The following ASCC1 variants were observed in gnomAD, a reference collection of about 807,000 sequenced individuals.
The protein encoded by ASCC1 is activating signal cointegrator 1 complex subunit 1.
ASCC1 carries 35 observed loss-of-function variants against 46.6 expected under a neutral mutation model. The observed-to-expected ratio is 0.75, with a 90% CI of 0.57 to 0.99. The LOEUF (loss-of-function observed/expected upper bound fraction) is 0.99, where lower values mean the gene tolerates loss of function less well. ASCC1 is among the 50% of genes least tolerant of loss of function. ASCC1 has a pLI of 0.00. For missense variants in ASCC1, 376 were observed against 428.7 expected, an observed-to-expected ratio of 0.88 and a Z score of 1.09; for synonymous variants, 143 against 146.6, an observed-to-expected ratio of 0.98 and a Z score of 0.18.
At chr10:72,213,572 C>A (rs12268049) in intron 1 of ASCC1, among the ~76,000 whole-genome samples, 2 of 149,748 alleles carry the variant, frequency 1.3e-5, no homozygotes, top group African/African-American at 2.5e-5. Context: ...TCACCCCCCC[C>A]CCAAAAATGA....
intron 2 of ASCC1, among the ~76,000 whole-genome samples, chr10:72,212,673 C>T (rs144020615): frequency 0.012 from 1,827 of 152,058 alleles, 42 homozygotes; most frequent in African/African-American, 0.042. Flanking sequence ...CATGGTGAAA[C>T]CCTGTCTCTA....
At chr10:72,164,831 A>C (rs920134930) in intron 5 of ASCC1, among the ~76,000 whole-genome samples, 2 of 152,200 alleles carry the variant, frequency 1.3e-5, no homozygotes, top group South Asian at 2.1e-4. Context: ...TGTGGGTATA[A>C]AGTGGTATTA....
At chr10:72,189,802 C>CAAAAAAAAAAAAAAAAAAA in intron 5 of ASCC1, 1 of 156,330 alleles carries the variant, frequency 6.4e-6, no homozygotes, top group Non-Finnish European at 1.2e-5. Context: ...AACTCCATCT[C>CAAAAAAAAAAAAAAAAAAA]AAAAAAAAAA....
intron 4 of ASCC1, among the ~76,000 whole-genome samples, chr10:72,201,513 C>G (rs115305597): frequency 6.6e-6 from 1 of 150,596 alleles, no homozygotes; most frequent in Admixed American, 6.6e-5. Context: ...AGCAAGACCC[C>G]ATCTCTACAA....
chr10:72,152,766 T>C, intron 7 of ASCC1, 103 bp downstream of exon 7: 3 of 1,376,250 alleles, frequency 2.2e-6, no homozygotes, highest in Non-Finnish European at 2.0e-6. Flanking sequence ...TAACATGTTC[T>C]TTACAATAAG....
intron 5 of ASCC1, chr10:72,189,932 T>C: frequency 1.4e-6 from 1 of 718,224 alleles, no homozygotes; most frequent in Non-Finnish European, 2.5e-6. Flanking sequence ...AGCCATCAGG[T>C]AAGCCAAGAC....
intron 7 of ASCC1, among the ~76,000 whole-genome samples, chr10:72,136,953 G>A (rs565915219): frequency 1.9e-4 from 28 of 151,116 alleles, no homozygotes; most frequent in Admixed American, 3.3e-4. Flanking sequence ...AACAAACTCC[G>A]GACACACCAT....
At chr10:72,126,585 C>A (rs1221535535) in intron 9 of ASCC1, among the ~76,000 whole-genome samples, 2 of 152,224 alleles carry the variant, frequency 1.3e-5, no homozygotes, top group Admixed American at 6.5e-5. Context: ...CTTGTACCAA[C>A]ACACAAGGCT....
intron 5 of ASCC1, among the ~76,000 whole-genome samples, chr10:72,164,403 G>A (rs573194402): frequency 2.1e-4 from 32 of 152,234 alleles, no homozygotes; most frequent in African/African-American, 7.0e-4. Flanking sequence ...AGACCTCTGT[G>A]ACCAGCTTCT....
At chr10:72,142,278 G>A (rs138544331) in intron 7 of ASCC1, among the ~76,000 whole-genome samples, 44 of 151,876 alleles carry the variant, frequency 2.9e-4, no homozygotes, top group African/African-American at 1.0e-3. Flanking sequence ...TTGCATTCCT[G>A]AGATTAACCA....
chr10:72,141,702 A>C (rs1383563452), intron 7 of ASCC1, among the ~76,000 whole-genome samples: 1 of 152,214 alleles, frequency 6.6e-6, no homozygotes, highest in Non-Finnish European at 1.5e-5. Context: ...GAATTACTGA[A>C]TAGATTTAAG....
intron 9 of ASCC1, among the ~76,000 whole-genome samples, chr10:72,105,442 A>C (rs1183460983): frequency 6.6e-6 from 1 of 152,250 alleles, no homozygotes; most frequent in Non-Finnish European, 1.5e-5. Flanking sequence ...CAGAGAGCCA[A>C]ATAAATGGGG....
chr10:72,133,227 TG>T (rs1225653816), intron 7 of ASCC1, 46 bp from the exon 8 acceptor site: 5 of 1,603,258 alleles, frequency 3.1e-6, no homozygotes, highest in Admixed American at 1.7e-5. Context: ...AGTAAACTTC[TG>T]AACATGCGAT....
chr10:72,209,155 G>C (rs538986520), intron 3 of ASCC1, among the ~76,000 whole-genome samples: 2 of 148,528 alleles, frequency 1.3e-5, no homozygotes, highest in East Asian at 3.9e-4. Context: ...ACAAAGCAAA[G>C]CCCTGTCTTT....
intron 5 of ASCC1, among the ~76,000 whole-genome samples, chr10:72,165,923 C>T (rs1850280808): frequency 6.6e-6 from 1 of 152,074 alleles, no homozygotes; most frequent in Non-Finnish European, 1.5e-5. Context: ...TTTGTTGGGC[C>T]CTTGCTCTGC....
rs1292617972 is a variant in ASCC1, at chr10:72,096,481, G to A, written c.*853C>T. 2.2e-6 allele frequency: 1 copy of A among 454,026 alleles called. No homozygotes were observed. The highest frequency in any genetic ancestry group is 4.4e-6 in the Non-Finnish European group (1 of 226,812). The allele number at this position is 454,026 out of a possible 1,614,324, so 28.1% of individuals were successfully genotyped here. A position where few individuals can be genotyped will look rare whatever the true frequency, so the allele number is the denominator to read the frequency against. Reference sequence around the variant, plus strand: ...GGAACAGGAATCCAACAAATATTAAGAGGACAAACTTTGGTAGGAAAATGA... The same window carrying A: ...GGAACAGGAATCCAACAAATATTAAAAGGACAAACTTTGGTAGGAAAATGA... On this transcript the variant is annotated 3_prime_UTR_variant, in exon 10 of 10. Coordinates refer to ENST00000672957, the MANE Select transcript of ASCC1 (RefSeq NM_001198800.3).
At chr10:72,198,596 C>T (rs750081363) in intron 4 of ASCC1, 12 of 455,498 alleles carry the variant, frequency 2.6e-5, no homozygotes, top group Non-Finnish European at 4.4e-5. Flanking sequence ...CCTGAGATTT[C>T]AAAACAGACA....
intron 6 of ASCC1, among the ~76,000 whole-genome samples, chr10:72,157,275 G>A (rs1001877441): frequency 2.6e-5 from 4 of 152,082 alleles, no homozygotes; most frequent in African/African-American, 4.8e-5. Flanking sequence ...CCAAGTACTA[G>A]CCAAAGAATT....
intron 9 of ASCC1, among the ~76,000 whole-genome samples, chr10:72,112,317 C>T (rs1406622096): frequency 2.0e-5 from 3 of 152,088 alleles, no homozygotes; most frequent in African/African-American, 7.2e-5. Flanking sequence ...GTGAAATAAA[C>T]TGGACACAAA....
Sources: gnomAD v4.1 joint callset for allele counts (sites outside exome capture counted in the v4.1 genomes callset) on GRCh38, gnomAD v4.1.1 for gene constraint, MANE v1.5 for transcripts, NCBI Gene and HGNC (gene_info 2026-07-23, HGNC 2026-07-21) for gene names.